The following PCNX2 variants were observed in gnomAD, a reference collection of about 807,000 sequenced individuals.
PCNX2 encodes pecanex 2, also known as pecanex-like protein 2.
Under a neutral mutation model 223.8 loss-of-function variants are expected in PCNX2, and 168 were observed. That is an observed-to-expected ratio of 0.75 (90% confidence interval 0.66 to 0.85). The LOEUF is 0.85. PCNX2 is among the 40% of genes least tolerant of loss of function. The pLI is 0.00. For missense variants in PCNX2, 2,507 were observed against 2,675.5 expected (o/e 0.94, Z 1.39); for synonymous variants, 1,006 against 1,052.6 (o/e 0.96, Z 0.86).
At chr1:233,070,794 T>C (rs1174471586) in intron 23 of PCNX2, among the ~76,000 whole-genome samples, 2 of 152,082 alleles carry the variant, frequency 1.3e-5, no homozygotes, top group African/African-American at 4.8e-5. Flanking sequence ...CCCAGCACTT[T>C]GGGAGGCCGA....
intron 12 of PCNX2, among the ~76,000 whole-genome samples, chr1:233,215,288 A>G (rs1682057675): frequency 6.6e-6 from 1 of 152,240 alleles, no homozygotes; most frequent in Non-Finnish European, 1.5e-5. Flanking sequence ...TTTCTTCATT[A>G]GAAGTACTGG....
At chr1:233,185,141 T>C (rs188631132) in intron 15 of PCNX2, among the ~76,000 whole-genome samples, 3 of 149,178 alleles carry the variant, frequency 2.0e-5, no homozygotes, top group African/African-American at 7.5e-5. Context: ...ATCCCTCAGA[T>C]TGGAGGTTGA....
At chr1:233,119,335 G>A (rs866348637) in intron 21 of PCNX2, among the ~76,000 whole-genome samples, 13 of 145,794 alleles carry the variant, frequency 8.9e-5, no homozygotes, top group Middle Eastern at 3.6e-3. Context: ...CGAGGTGGGC[G>A]GATCATGAGG....
At chr1:233,172,621 C>T (rs1035878518) in intron 17 of PCNX2, 1 of 902,538 alleles carries the variant, frequency 1.1e-6, no homozygotes, top group African/African-American at 1.8e-5. Context: ...TCCTGTTCTC[C>T]ATAGTTCGAG....
At chr1:233,252,910 C>T in intron 5 of PCNX2, 122 bp from the exon 6 acceptor site, 1 of 1,003,960 alleles carries the variant, frequency 1.0e-6, no homozygotes, top group Non-Finnish European at 1.4e-6. Context: ...CCTCTGCATG[C>T]AAAAGGCTTT....
chr1:233,134,427 A>C (rs189291040), intron 21 of PCNX2, among the ~76,000 whole-genome samples: 31 of 152,322 alleles, frequency 2.0e-4, no homozygotes, highest in Admixed American at 5.9e-4. Context: ...CCCATGTATG[A>C]AGTTGCTCAA....
intron 23 of PCNX2, 56 bp downstream of exon 23, chr1:233,090,005 G>A (rs1397588363): frequency 6.2e-7 from 1 of 1,608,456 alleles, no homozygotes; most frequent in East Asian, 2.2e-5. Context: ...AGGCAGAGGA[G>A]CCTTCTGAAG....
At chr1:233,178,202 A>G (rs1370315193) in intron 16 of PCNX2, among the ~76,000 whole-genome samples, 3 of 152,200 alleles carry the variant, frequency 2.0e-5, no homozygotes, top group African/African-American at 7.2e-5. Context: ...CTTCACAATT[A>G]GCAGCAAAAA....
At chr1:233,172,362 G>A in intron 17 of PCNX2, 1 of 985,370 alleles carries the variant, frequency 1.0e-6, no homozygotes, top group Non-Finnish European at 1.2e-6. Context: ...CACGTTAAAT[G>A]TCTTCATAAA....
chr1:233,261,084 A>G (rs889205515), intron 4 of PCNX2, among the ~76,000 whole-genome samples: 1 of 152,224 alleles, frequency 6.6e-6, no homozygotes, highest in Non-Finnish European at 1.5e-5. Context: ...AAATATCACA[A>G]TTTGAATTAA....
upstream of PCNX2, among the ~76,000 whole-genome samples, chr1:233,297,606 A>G (rs955463317): frequency 1.3e-5 from 2 of 152,206 alleles, no homozygotes; most frequent in African/African-American, 4.8e-5. Flanking sequence ...ATATGTGGAA[A>G]GAGGAGCATG....
At chr1:233,238,960 TTAGTTA>T (rs1658590728) in intron 8 of PCNX2, among the ~76,000 whole-genome samples, 4 of 152,206 alleles carry the variant, frequency 2.6e-5, no homozygotes, top group Non-Finnish European at 2.9e-5. Context: ...GAGAAAAAGA[TTAGTTA>T]GATTTATAAA....
chr1:233,320,166 G>GT, the PCNX2 span, among the ~76,000 whole-genome samples: 7 of 152,082 alleles, frequency 4.6e-5, no homozygotes, highest in Non-Finnish European at 8.8e-5. Flanking sequence ...ACATGCAATT[G>GT]TAAGAAATAA....
At chr1:233,086,490 T>C (rs1039681844) in intron 23 of PCNX2, among the ~76,000 whole-genome samples, 2 of 150,992 alleles carry the variant, frequency 1.3e-5, no homozygotes, top group Non-Finnish European at 2.9e-5. Context: ...ACCCCGTCTC[T>C]ACTAAAAATA....
At chr1:233,106,637 C>T (rs941302797) in intron 21 of PCNX2, among the ~76,000 whole-genome samples, 1 of 152,116 alleles carries the variant, frequency 6.6e-6, no homozygotes, top group Non-Finnish European at 1.5e-5. Flanking sequence ...CAGGCTTCCT[C>T]CCTCTTAAAG....
chr1:233,064,486 A>G (rs1209540387), intron 23 of PCNX2, among the ~76,000 whole-genome samples: 2 of 152,174 alleles, frequency 1.3e-5, no homozygotes, highest in Admixed American at 1.3e-4. Context: ...GAAGACCTTC[A>G]GGGCTACAGC....
Position 233,001,217 on chromosome 1 carries a change from C to T in PCNX2, c.5097+320G>A, listed in dbSNP as rs905416749. Among the ~76,000 whole-genome samples, 2 of 152,136 alleles carry T rather than the reference C, an allele frequency of 1.3e-5. No individual in the cohort carries two copies. Among genetic ancestry groups the T allele is most frequent in the African/African-American group, 2.4e-5 (1 of 41,432 alleles). ...AGGTTTGGCCAGGTGCAGTGGCTCA[C>T]GCCTGTAATCCCAGCACTTTGGGAG... On this transcript the variant is annotated intron_variant, in intron 29 of 33. Coordinates refer to ENST00000258229, the MANE Select transcript of PCNX2 (RefSeq NM_014801.4). This position sits in a 1 kb window ranked among gnomAD's most constrained non-coding sequence, Gnocchi z 4.2.
At chr1:233,016,848 G>C (rs1322971615) in intron 27 of PCNX2, 73 bp downstream of exon 27, 2 of 1,548,258 alleles carry the variant, frequency 1.3e-6, no homozygotes, top group African/African-American at 1.4e-5. Flanking sequence ...ATATAAGAAA[G>C]AGATGGACAT....
chr1:233,129,663 C>G (rs193293795), intron 21 of PCNX2, among the ~76,000 whole-genome samples: 68 of 152,294 alleles, frequency 4.5e-4, no homozygotes, highest in Non-Finnish European at 7.1e-4. Context: ...GTGTCTAGCT[C>G]GGAGTTTGTG....
Sources: gnomAD v4.1 joint callset for allele counts (sites outside exome capture counted in the v4.1 genomes callset) on GRCh38, gnomAD v4.1.1 for gene constraint, Gnocchi (gnomAD v3.1) non-coding constraint, MANE v1.5 for transcripts, NCBI Gene and HGNC (gene_info 2026-07-23, HGNC 2026-07-21) for gene names.